The following GNG12 variants were observed in gnomAD, a reference collection of about 807,000 sequenced individuals.
GNG12 encodes guanine nucleotide-binding protein G(I)/G(S)/G(O) subunit gamma-12.
For synonymous variants in GNG12, 28 were observed against 29.7 expected (o/e 0.94, Z 0.19); for missense variants, 69 against 83.8 (o/e 0.82, Z 0.69).
In GNG12 at chr1:67,751,213, G is replaced by A. The variant is rs574982189; in HGVS notation, c.-27+26245C>T. On this transcript the variant is annotated intron_variant, in intron 2 of 3. Transcript: ENST00000370982. ...CACACACACACACACACACACACAC[G>A]TGCATATACACACACGTTTTAAAAT... is the stretch of plus-strand genomic sequence containing the variant. Among the ~76,000 whole-genome samples, 865 of 143,950 alleles carry A rather than the reference G, an allele frequency of 6.0e-3. 12 individuals carry two copies. The highest frequency in any genetic ancestry group is 0.04 in the South Asian group (176 of 4,452). The allele number at this position is 143,950 out of a possible 152,430, so 94.4% of individuals were successfully genotyped here.
At chr1:67,813,076 C>T (rs1646935243) in intron 1 of GNG12, among the ~76,000 whole-genome samples, 1 of 152,194 alleles carries the variant, frequency 6.6e-6, no homozygotes, top group Admixed American at 6.5e-5. Flanking sequence ...ATAATTCTGT[C>T]CCCAAAGCTC....
chr1:67,770,199 G>C (rs1356321859), intron 2 of GNG12, among the ~76,000 whole-genome samples: 2 of 152,188 alleles, frequency 1.3e-5, no homozygotes, highest in African/African-American at 4.8e-5. Flanking sequence ...ACACAAACAG[G>C]TCAGGACGGT....
chr1:67,774,064 T>C (rs1199617457), intron 2 of GNG12, among the ~76,000 whole-genome samples: 1 of 152,202 alleles, frequency 6.6e-6, no homozygotes, highest in African/African-American at 2.4e-5. Flanking sequence ...TCGGCCACTC[T>C]GTGTGGCATT....
intron 1 of GNG12, among the ~76,000 whole-genome samples, chr1:67,787,561 A>G (rs913666841): frequency 5.9e-5 from 9 of 152,170 alleles, no homozygotes; most frequent in Non-Finnish European, 1.5e-5. Context: ...TTCACATCAG[A>G]AAGAGCACTG....
intron 1 of GNG12, among the ~76,000 whole-genome samples, chr1:67,831,215 A>G (rs1299831139): frequency 6.6e-6 from 1 of 152,202 alleles, no homozygotes; most frequent in African/African-American, 2.4e-5. Context: ...AAAACACAAT[A>G]AATCACATAA....
chr1:67,793,706 G>T (rs1047266198), intron 1 of GNG12, among the ~76,000 whole-genome samples: 1 of 152,138 alleles, frequency 6.6e-6, no homozygotes, highest in South Asian at 2.1e-4. Flanking sequence ...CCCCACACTG[G>T]TGACATTCTG....
intron 2 of GNG12, among the ~76,000 whole-genome samples, chr1:67,715,725 C>G (rs902410801): frequency 2.0e-5 from 3 of 152,208 alleles, no homozygotes; most frequent in African/African-American, 4.8e-5. Flanking sequence ...AATGATTGTA[C>G]AAGCACCTAA....
intron 1 of GNG12, among the ~76,000 whole-genome samples, chr1:67,816,538 T>C (rs1156607008): frequency 3.9e-5 from 6 of 152,184 alleles, no homozygotes; most frequent in African/African-American, 1.4e-4. Context: ...CAGGGCCCTC[T>C]GCCTCCAGCT....
intron 2 of GNG12, among the ~76,000 whole-genome samples, chr1:67,733,110 C>T (rs1002600211): frequency 2.0e-5 from 3 of 152,186 alleles, no homozygotes; most frequent in African/African-American, 7.2e-5. Flanking sequence ...CTGACTGTGA[C>T]TGGAATCAGC....
intron 1 of GNG12, among the ~76,000 whole-genome samples, chr1:67,817,787 C>CTTTTTT (rs66518207): frequency 1.8e-5 from 2 of 108,256 alleles, no homozygotes; most frequent in East Asian, 2.6e-4. Flanking sequence ...TTCTTTCTTT[C>CTTTTTT]TTTTTTTTTT....
intron 2 of GNG12, among the ~76,000 whole-genome samples, chr1:67,749,489 CT>C (rs770592469): frequency 5.3e-5 from 8 of 152,162 alleles, no homozygotes; most frequent in Non-Finnish European, 2.9e-5. Flanking sequence ...GAATGTCATC[CT>C]TTCCCCCACT....
At chr1:67,723,545 A>AT (rs1646368074) in intron 2 of GNG12, among the ~76,000 whole-genome samples, 1 of 152,176 alleles carries the variant, frequency 6.6e-6, no homozygotes. Context: ...TGAGTTTTTC[A>AT]TTTTTTGGAA....
At chr1:67,722,347 T>C (rs952232450) in intron 2 of GNG12, among the ~76,000 whole-genome samples, 6 of 152,118 alleles carry the variant, frequency 3.9e-5, no homozygotes, top group African/African-American at 1.4e-4. Context: ...TCGCTGACAT[T>C]TGCAGTCGCC....
At chr1:67,707,753 T>A in intron 2 of GNG12, 41 bp from the exon 3 acceptor site, 1 of 943,858 alleles carries the variant, frequency 1.1e-6, no homozygotes, top group Non-Finnish European at 1.7e-6. Context: ...CAGGCATCTT[T>A]AAGTTATTTA....
At chr1:67,737,769 G>T (rs1646460570) in intron 2 of GNG12, among the ~76,000 whole-genome samples, 1 of 152,068 alleles carries the variant, frequency 6.6e-6, no homozygotes, top group Non-Finnish European at 1.5e-5. Context: ...TAACAAGAGT[G>T]GTGCCATTAC....
chr1:67,817,096 G>C (rs1358994501), intron 1 of GNG12, among the ~76,000 whole-genome samples: 2 of 152,118 alleles, frequency 1.3e-5, no homozygotes, highest in African/African-American at 4.8e-5. Context: ...TGAATTCAAC[G>C]GGTACAATAT....
intron 2 of GNG12, among the ~76,000 whole-genome samples, chr1:67,748,375 C>CTA (rs1646518937): frequency 6.6e-6 from 1 of 152,094 alleles, no homozygotes; most frequent in South Asian, 2.1e-4. Flanking sequence ...GAAACCATAC[C>CTA]ATAGGCTACT....
At chr1:67,709,937 TATA>T (rs1646275557) in intron 2 of GNG12, among the ~76,000 whole-genome samples, 2 of 18,764 alleles carry the variant, frequency 1.1e-4, no homozygotes, top group East Asian at 1.7e-3. Context: ...TATATATAGT[TATA>T]TATATATAGT....
intron 2 of GNG12, among the ~76,000 whole-genome samples, chr1:67,718,633 A>T (rs1646340154): frequency 7.1e-6 from 1 of 141,836 alleles, no homozygotes; most frequent in Non-Finnish European, 1.5e-5. Flanking sequence ...CCTGTCTTCT[A>T]TTTTACCTGA....
Sources: allele counts gnomAD v4.1 joint callset (sites outside exome capture counted in the v4.1 genomes callset), GRCh38; gene constraint gnomAD v4.1.1; transcripts MANE v1.5; gene names NCBI Gene and HGNC (gene_info 2026-07-23, HGNC 2026-07-21).